The following LRRC7 variants were observed in gnomAD, a reference collection of about 807,000 sequenced individuals.
The protein encoded by LRRC7 is leucine rich repeat containing 7.
Under a neutral mutation model 175.7 loss-of-function variants are expected in LRRC7, and 23 were observed. The observed-to-expected ratio is 0.13, with a 90% CI of 0.09 to 0.19. The LOEUF (loss-of-function observed/expected upper bound fraction) is 0.19, where lower values mean the gene tolerates loss of function less well. Among genes scored for constraint, LRRC7 ranks in the 10% least tolerant of loss-of-function variants. The probability of loss-of-function intolerance (pLI) is 1.00; values close to 1 mark genes in which losing one functional copy is unlikely to be tolerated. For missense variants in LRRC7, 1,354 were observed against 1,904.7 expected (o/e 0.71, Z 5.38); for synonymous variants, 685 against 680.9 (o/e 1.01, Z -0.09).
At chr1:69,980,198 A>G (rs1276451252) in intron 8 of LRRC7, among the ~76,000 whole-genome samples, 181 bp from the exon 9 acceptor site, 1 of 152,136 alleles carries the variant, frequency 6.6e-6, no homozygotes, top group East Asian at 1.9e-4. Context: ...TCAATTCCAA[A>G]TTGGCTGTCA....
chr1:69,941,393 T>C (rs1648694125), intron 8 of LRRC7, among the ~76,000 whole-genome samples: 1 of 152,078 alleles, frequency 6.6e-6, no homozygotes, highest in Admixed American at 6.6e-5. Flanking sequence ...ATGTTGAGAA[T>C]AGACGGGTCA....
chr1:69,630,251 C>T (rs1652275637), intron 1 of LRRC7, among the ~76,000 whole-genome samples: 1 of 152,150 alleles, frequency 6.6e-6, no homozygotes, highest in Non-Finnish European at 1.5e-5. Flanking sequence ...TCTCTGCTAT[C>T]CACTGCAAAC....
chr1:70,112,104 A>G (rs1252930674), intron 26 of LRRC7, among the ~76,000 whole-genome samples: 1 of 152,122 alleles, frequency 6.6e-6, no homozygotes, highest in Non-Finnish European at 1.5e-5. Flanking sequence ...CAAGCTAGAT[A>G]TTTTTCTTTT....
chr1:69,797,975 G>A (rs1390262579), intron 4 of LRRC7, among the ~76,000 whole-genome samples: 1 of 152,138 alleles, frequency 6.6e-6, no homozygotes, highest in Non-Finnish European at 1.5e-5. Context: ...AGGCTGGAGT[G>A]CAATGGCATG....
At chr1:69,734,189 A>G (rs1020149440) in intron 2 of LRRC7, among the ~76,000 whole-genome samples, 24 of 151,894 alleles carry the variant, frequency 1.6e-4, no homozygotes, top group Admixed American at 1.4e-3. Flanking sequence ...AAAAATACAC[A>G]AAGTCAAAAT....
intron 4 of LRRC7, among the ~76,000 whole-genome samples, chr1:69,805,747 C>G (rs1043926429): frequency 1.3e-4 from 19 of 151,792 alleles, no homozygotes; most frequent in African/African-American, 4.6e-4. Context: ...CTCCTGCCAC[C>G]TTTTCAGCTT....
At chr1:69,787,672 C>G (rs1674635278) in intron 3 of LRRC7, among the ~76,000 whole-genome samples, 1 of 152,192 alleles carries the variant, frequency 6.6e-6, no homozygotes, top group Non-Finnish European at 1.5e-5. Flanking sequence ...GGCCCTGGGC[C>G]TGTGGTGGGA....
At chr1:69,617,455 T>C (rs1030809771) in intron 1 of LRRC7, among the ~76,000 whole-genome samples, 2 of 149,480 alleles carry the variant, frequency 1.3e-5, no homozygotes, top group Non-Finnish European at 3.0e-5. Flanking sequence ...TAGAATCATT[T>C]TGGGAGTCAT....
At chr1:69,675,353 G>A (rs985710771) in intron 1 of LRRC7, among the ~76,000 whole-genome samples, 26 of 152,062 alleles carry the variant, frequency 1.7e-4, no homozygotes, top group African/African-American at 6.0e-4. Context: ...ATAATTACAT[G>A]GAAATCAAGG....
chr1:69,664,072 G>A (rs1657920680), intron 1 of LRRC7, among the ~76,000 whole-genome samples: 1 of 152,120 alleles, frequency 6.6e-6, no homozygotes. Context: ...TTCTGTGCCT[G>A]ACTTATTTCA....
intron 21 of LRRC7, among the ~76,000 whole-genome samples, chr1:70,041,815 C>T (rs943996141): frequency 6.6e-6 from 1 of 152,152 alleles, no homozygotes; most frequent in Non-Finnish European, 1.5e-5. Context: ...TTGACCCCAG[C>T]GACTGAAAAG....
chr1:69,628,620 A>C (rs1651985373), intron 1 of LRRC7, among the ~76,000 whole-genome samples: 1 of 152,160 alleles, frequency 6.6e-6, no homozygotes, highest in African/African-American at 2.4e-5. Flanking sequence ...ATATCAACAA[A>C]GTGTTTTTGA....
chr1:69,616,327 GA>G (rs1557490034), intron 1 of LRRC7, among the ~76,000 whole-genome samples: 1 of 151,850 alleles, frequency 6.6e-6, no homozygotes, highest in Non-Finnish European at 1.5e-5. Context: ...ATGATTAATG[GA>G]TCAATTATTC....
chr1:69,970,163 C>A (rs928265027), intron 8 of LRRC7, among the ~76,000 whole-genome samples: 21 of 152,184 alleles, frequency 1.4e-4, no homozygotes, highest in South Asian at 6.2e-4. Context: ...CCCCTAAACA[C>A]CTTCATCAAA....
intron 7 of LRRC7, among the ~76,000 whole-genome samples, chr1:69,839,837 G>C (rs928821052): frequency 6.6e-6 from 1 of 152,002 alleles, no homozygotes; most frequent in African/African-American, 2.4e-5. Flanking sequence ...ACCTGATATA[G>C]ATTGATAATA....
At chr1:69,953,760 A>G (rs57363111) in intron 8 of LRRC7, among the ~76,000 whole-genome samples, 10,816 of 152,124 alleles carry the variant, frequency 0.071, 415 homozygotes, top group South Asian at 0.11. Context: ...CTGTGTCCAC[A>G]CAGTGTATGT....
intron 22 of LRRC7, among the ~76,000 whole-genome samples, chr1:70,049,145 A>G (rs1318236881): frequency 2.6e-5 from 4 of 152,148 alleles, no homozygotes; most frequent in Admixed American, 1.3e-4. Flanking sequence ...GTAGAAATAT[A>G]TGTAATAAAT....
intron 1 of LRRC7, among the ~76,000 whole-genome samples, chr1:69,630,152 C>T (rs942210781): frequency 3.3e-5 from 5 of 151,972 alleles, no homozygotes; most frequent in Non-Finnish European, 7.4e-5. Flanking sequence ...TCTCTATTTT[C>T]TTGTTCCTTC....
chr1:69,910,017 C>T (rs1374573818), intron 7 of LRRC7, among the ~76,000 whole-genome samples: 1 of 152,106 alleles, frequency 6.6e-6, no homozygotes, highest in African/African-American at 2.4e-5. Context: ...TCATTTCATT[C>T]ATTTCGTCTT....
Sources: gnomAD v4.1 joint callset for allele counts (sites outside exome capture counted in the v4.1 genomes callset) on GRCh38, gnomAD v4.1.1 for gene constraint, MANE v1.5 for transcripts, NCBI Gene and HGNC (gene_info 2026-07-23, HGNC 2026-07-21) for gene names.